The following DAB1 variants were observed in gnomAD, a reference collection of about 807,000 sequenced individuals.
The protein encoded by DAB1 is disabled homolog 1.
In DAB1, 15 loss-of-function variants were observed where a neutral mutation model predicts 64.6. The ratio of observed to expected loss-of-function variants is 0.23; its 90% CI spans 0.16 to 0.36. The LOEUF is 0.36. DAB1 is among the 10% of genes least tolerant of loss of function. DAB1 has a pLI of 1.00. For synonymous variants in DAB1, 235 were observed against 251.9 expected (o/e 0.93, Z 0.64); for missense variants, 596 against 706.7 (o/e 0.84, Z 1.78).
At chr1:58,546,288 G>A (rs1456518896) in intron 1 of DAB1, among the ~76,000 whole-genome samples, 1 of 152,238 alleles carries the variant, frequency 6.6e-6, no homozygotes, top group Non-Finnish European at 1.5e-5. Flanking sequence ...CCCTCTGGCA[G>A]AGGTGCCGGG....
chr1:57,665,851 G>C (rs72679213), intron 6 of DAB1, among the ~76,000 whole-genome samples: 4,378 of 45,322 alleles, frequency 0.097, 177 homozygotes, highest in African/African-American at 0.24. Context: ...TTAATTATCT[G>C]TGTGTGTGTG....
At chr1:57,703,495 G>T (rs1317850985) in intron 6 of DAB1, among the ~76,000 whole-genome samples, 1 of 151,940 alleles carries the variant, frequency 6.6e-6, no homozygotes. Flanking sequence ...ATACCATGTC[G>T]CACCAGTCAG....
In DAB1 at chr1:57,788,224, T is replaced by C. The variant is rs181242168; in HGVS notation, n.551+95775A>G. Among the ~76,000 whole-genome samples the C allele has an allele frequency of 8.5e-5, 13 of 152,312 alleles. No individual in the cohort carries two copies. In the East Asian group the frequency reaches 2.5e-3, roughly 29 times the overall value. On this transcript the variant is annotated intron_variant and non_coding_transcript_variant, in intron 6 of 20. Transcript: ENST00000485760. ...AAGACTTGTACATAAATAACATTAATATTTATAGTAGCTGTATTAATAATT... is the reference window on the plus strand; with the variant it reads ...AAGACTTGTACATAAATAACATTAACATTTATAGTAGCTGTATTAATAATT...
intron 1 of DAB1, among the ~76,000 whole-genome samples, chr1:57,384,007 G>T (rs1681589415): frequency 6.6e-6 from 1 of 152,078 alleles, no homozygotes; most frequent in South Asian, 2.1e-4. Flanking sequence ...ATTATAAGGG[G>T]TTAATATCCA....
chr1:57,230,189 G>A (rs1385051158), intron 2 of DAB1, among the ~76,000 whole-genome samples: 2 of 152,014 alleles, frequency 1.3e-5, no homozygotes, highest in East Asian at 3.9e-4. Flanking sequence ...TCTTATGCAA[G>A]CTAACAACTA....
chr1:57,098,869 C>G (rs761222068), intron 4 of DAB1, among the ~76,000 whole-genome samples: 18 of 152,130 alleles, frequency 1.2e-4, no homozygotes, highest in Non-Finnish European at 2.4e-4. Context: ...TCTAACTCTA[C>G]CTTATAGATA....
chr1:58,011,922 C>T (rs1285526844), intron 5 of DAB1, among the ~76,000 whole-genome samples: 1 of 152,170 alleles, frequency 6.6e-6, no homozygotes, highest in Admixed American at 6.5e-5. Context: ...AACTCCTGAC[C>T]TCAGGTGATC....
intron 5 of DAB1, among the ~76,000 whole-genome samples, chr1:58,112,366 T>C (rs534258033): frequency 1.3e-5 from 2 of 152,330 alleles, no homozygotes; most frequent in East Asian, 1.9e-4. Context: ...AAGTATAAAA[T>C]AGGCATTCAA....
At chr1:57,949,507 CTA>C (rs879284184) in intron 5 of DAB1, among the ~76,000 whole-genome samples, 6 of 141,602 alleles carry the variant, frequency 4.2e-5, no homozygotes, top group African/African-American at 1.3e-4. Flanking sequence ...ATCTATCTAT[CTA>C]TATCTGTCTG....
In DAB1 at chr1:57,014,808, G is replaced by T. The variant is rs1646371008; in HGVS notation, c.1444+75C>A. 6 of 1,257,314 alleles carry T rather than the reference G, an allele frequency of 4.8e-6. No homozygotes were observed. In the East Asian group the frequency reaches 7.1e-5, roughly 15 times the overall value. The allele number at this position is 1,257,314 out of a possible 1,614,324, so 77.9% of individuals were successfully genotyped here. On this transcript the variant is annotated intron_variant, in intron 12 of 14. Coordinates refer to ENST00000371236, the MANE Select transcript of DAB1 (RefSeq NM_001365792.1). ...TTAATGCAAGTGAGATGAGTTATTTGACTCCAGAAACCCCGCCTCCAGACA... is the reference window on the plus strand; with the variant it reads ...TTAATGCAAGTGAGATGAGTTATTTTACTCCAGAAACCCCGCCTCCAGACA...
At chr1:57,635,783 G>A (rs924249581) in intron 7 of DAB1, among the ~76,000 whole-genome samples, 3 of 152,050 alleles carry the variant, frequency 2.0e-5, no homozygotes, top group East Asian at 1.9e-4. Context: ...GTTGGGGACC[G>A]CTGCTCTAAT....
intron 5 of DAB1, among the ~76,000 whole-genome samples, chr1:58,146,844 T>C (rs1654623172): frequency 6.6e-6 from 1 of 152,168 alleles, no homozygotes; most frequent in Non-Finnish European, 1.5e-5. Flanking sequence ...CATCCATCAA[T>C]GGATACTTAG....
chr1:57,131,342 G>A (rs1657637607), intron 4 of DAB1, among the ~76,000 whole-genome samples: 1 of 152,188 alleles, frequency 6.6e-6, no homozygotes, highest in Non-Finnish European at 1.5e-5. Context: ...TCCAGGAACT[G>A]TTGGATGTAA....
intron 1 of DAB1, among the ~76,000 whole-genome samples, chr1:57,833,733 A>G (rs1435566587): frequency 6.6e-6 from 1 of 152,200 alleles, no homozygotes; most frequent in East Asian, 1.9e-4. Context: ...ACTCATTTCT[A>G]GCCTACCCTA....
At chr1:58,265,574 A>AT (rs980694483) in intron 4 of DAB1, among the ~76,000 whole-genome samples, 1 of 152,116 alleles carries the variant, frequency 6.6e-6, no homozygotes, top group Non-Finnish European at 1.5e-5. Context: ...CAAACCAGCA[A>AT]TTTTTTTTCA....
At chr1:58,279,394 C>A (rs1661507126) in intron 4 of DAB1, among the ~76,000 whole-genome samples, 1 of 152,158 alleles carries the variant, frequency 6.6e-6, no homozygotes, top group Non-Finnish European at 1.5e-5. Flanking sequence ...AGGACTAGGC[C>A]TGGCCTGTTA....
At chr1:57,632,970 T>C (rs1033668966) in intron 7 of DAB1, among the ~76,000 whole-genome samples, 1 of 152,156 alleles carries the variant, frequency 6.6e-6, no homozygotes, top group Non-Finnish European at 1.5e-5. Flanking sequence ...ACCAAAGATA[T>C]GATCAAAATG....
intron 1 of DAB1, among the ~76,000 whole-genome samples, chr1:57,883,617 G>T (rs1338235776): frequency 6.6e-6 from 1 of 152,196 alleles, no homozygotes; most frequent in Admixed American, 6.5e-5. Context: ...GAGGCCTGCA[G>T]ATCTTAGGCA....
intron 2 of DAB1, among the ~76,000 whole-genome samples, chr1:58,507,138 C>T (rs912376525): frequency 5.8e-4 from 88 of 151,702 alleles, no homozygotes; most frequent in African/African-American, 2.1e-3. Flanking sequence ...ATTTTTAAAT[C>T]CTCCATAAGG....
Sources: gnomAD v4.1 joint callset for allele counts (sites outside exome capture counted in the v4.1 genomes callset) on GRCh38, gnomAD v4.1.1 for gene constraint, MANE v1.5 for transcripts, NCBI Gene and HGNC (gene_info 2026-07-23, HGNC 2026-07-21) for gene names.